The following ZNF433 variants were observed in gnomAD, a reference collection of about 807,000 sequenced individuals.
The protein encoded by ZNF433 is zinc finger protein 433.
ZNF433 carries 12 observed loss-of-function variants against 10.6 expected under a neutral mutation model. The observed-to-expected ratio is 1.13, with a 90% CI of 0.72 to 1.83. The LOEUF is 1.83. ZNF433 is among the 40% of genes most tolerant of loss of function. The probability of loss-of-function intolerance (pLI) is 0.00; values close to 1 mark genes in which losing one functional copy is unlikely to be tolerated. For missense variants in ZNF433, 737 were observed against 798.0 expected (o/e 0.92, Z 0.92); for synonymous variants, 272 against 271.3 (o/e 1.00, Z -0.02).
chr19:12,022,976 G>C (rs1243009597), intron 1 of ZNF433, among the ~76,000 whole-genome samples: 1 of 152,202 alleles, frequency 6.6e-6, no homozygotes, highest in African/African-American at 2.4e-5. Flanking sequence ...CTACAAGAGA[G>C]GGTGATATAG....
intron 1 of ZNF433, among the ~76,000 whole-genome samples, chr19:12,031,395 T>C (rs1199153494): frequency 3.3e-5 from 5 of 149,810 alleles, no homozygotes; most frequent in South Asian, 2.1e-4. Flanking sequence ...ACACCTGTAA[T>C]CCCAGCACTT....
At chr19:12,025,726 C>T (rs956437134) in intron 1 of ZNF433, 1 of 152,214 alleles carries the variant, frequency 6.6e-6, no homozygotes, top group Non-Finnish European at 1.5e-5. Flanking sequence ...ACATGCCAAA[C>T]AGGAGAGTCT....
intron 1 of ZNF433, among the ~76,000 whole-genome samples, chr19:12,022,936 T>C (rs1056892257): frequency 2.0e-5 from 3 of 152,180 alleles, no homozygotes; most frequent in Non-Finnish European, 4.4e-5. Context: ...GCAATGGCTC[T>C]CAGTTCTATT....
chr19:12,030,109 G>T, intron 1 of ZNF433: 1 of 334,416 alleles, frequency 3.0e-6, no homozygotes, highest in Non-Finnish European at 5.6e-6. Context: ...AAAAAAAATA[G>T]CCATCTGCAA....
chr19:12,020,558 G>A (rs747336552), intron 1 of ZNF433, among the ~76,000 whole-genome samples: 13 of 152,196 alleles, frequency 8.5e-5, no homozygotes, highest in Non-Finnish European at 1.3e-4. Flanking sequence ...ACGTCCTTTC[G>A]AGAGAGGAGT....
rs963384527 is a variant in ZNF433, at chr19:12,016,081, T to C, written c.777A>G (p.Ala259=). The C allele has an allele frequency of 1.8e-5, 29 of 1,613,512 alleles. No individual in the cohort carries two copies. Among genetic ancestry groups the C allele is most frequent in the Non-Finnish European group, 2.5e-5 (29 of 1,179,860 alleles). ...KPYKCNECGK[A]FHSSTCLHAH... ...CATGAAGGCATGTGGAACTATGGAA[T>C]GCTTTCCCACATTCATTACATTTAT... Residue 259 remains alanine, a synonymous_variant, in exon 4 of 4, where the codon GCA becomes GCG. Transcript: ENST00000550507.
chr19:12,017,928 AT>A lies in ZNF433; in HGVS notation c.138del (p.Lys46AsnfsTer9). On this transcript the variant is annotated frameshift_variant, in exon 3 of 4. Transcript: ENST00000550507. LOFTEE classifies it high-confidence loss of function. ...TFRNLASIGK[K>X]WKPQNIYVEY... ...TCTACATATATGTTCTGGGGTTTCC[AT>A]TTTTTCCCTACAACACACAACAAGG... 1 of 1,581,186 alleles carries A rather than the reference AT, an allele frequency of 6.3e-7. No homozygotes were observed. Among genetic ancestry groups the A allele is most frequent in the South Asian group, 1.2e-5 (1 of 84,032 alleles).
chr19:12,034,338 G>A (rs980321678), intron 1 of ZNF433, among the ~76,000 whole-genome samples: 3 of 152,138 alleles, frequency 2.0e-5, no homozygotes, highest in African/African-American at 7.2e-5. Context: ...TTAAAGTAAT[G>A]TGACTCTGGA....
intron 1 of ZNF433, among the ~76,000 whole-genome samples, chr19:12,031,121 C>T (rs922169559): frequency 6.6e-6 from 1 of 151,872 alleles, no homozygotes; most frequent in Non-Finnish European, 1.5e-5. Flanking sequence ...CACGGTGAAA[C>T]CCCGTCTCTA....
Position 12,015,746 on chromosome 19 carries a change from G to A in ZNF433, c.1112C>T (p.Ala371Val), listed in dbSNP as rs1974146197. 2 of 1,613,516 alleles carry A rather than the reference G, an allele frequency of 1.2e-6. No individual in the cohort carries two copies. The highest frequency in any genetic ancestry group is 1.3e-5 in the African/African-American group (1 of 74,960). ...TTGAAGTGAACTGGGAGAATAAAAG[G>A]CTTTCCCACATATCTTACATTTATG... ...ISHKCKICGK[A>V]FYSPSSLQTH... The change falls in exon 4 of 4, where the codon GCC (alanine) becomes GTC (valine). Residue 371 changes from alanine (A) to valine (V), a missense_variant. By Grantham distance (64) the Ala-to-Val change is moderately conservative (BLOSUM62 0). Coordinates refer to ENST00000550507, the MANE Select transcript of ZNF433 (RefSeq NM_001308348.2).
At chr19:12,034,931 T>G in intron 1 of ZNF433, 2 of 454,126 alleles carry the variant, frequency 4.4e-6, no homozygotes, top group South Asian at 3.1e-5. Flanking sequence ...TCAGGCCTCC[T>G]GGGGTTGTGT....
chr19:12,015,715 ATG>A lies in ZNF433; in HGVS notation c.1141_1142del (p.His381Ter). 1.9e-6 allele frequency: 3 copies of A among 1,613,366 alleles called. No individual in the cohort carries two copies. Among genetic ancestry groups the A allele is most frequent in the Non-Finnish European group, 2.5e-6 (3 of 1,179,796 alleles). ...AFYSPSSLQT[H>X]EKTHTGEKPY... is the part of the protein sequence containing the mutation. ...GTTTCTCTCCAGTGTGAGTTTTTTCATGTGTTTGAAGTGAACTGGGAGAATAA... is the reference window on the plus strand; with the variant it reads ...GTTTCTCTCCAGTGTGAGTTTTTTCATGTTTGAAGTGAACTGGGAGAATAA... On this transcript the variant is annotated frameshift_variant, in exon 4 of 4. Coordinates refer to ENST00000550507, the MANE Select transcript of ZNF433 (RefSeq NM_001308348.2). LOFTEE classifies it low-confidence loss of function (END_TRUNC).
Position 12,015,493 on chromosome 19 carries a change from T to C in ZNF433, c.1365A>G (p.Pro455=), listed in dbSNP as rs540351314. The change falls in exon 4 of 4, where the codon CCA becomes CCG. Residue 455 remains proline, a synonymous_variant. Coordinates refer to ENST00000550507, the MANE Select transcript of ZNF433 (RefSeq NM_001308348.2). ...TTTGAAAGAAAGAGAAATTACTAAA[T>C]GGTTTTCCACATTCCTTACATGCAT... ...KPYACKECGK[P]FSNFSFFQIH... 78 of 1,613,228 alleles carry C rather than the reference T, an allele frequency of 4.8e-5. No homozygotes were observed. The South Asian group carries it at 8.5e-4, about 17-fold the overall frequency.
intron 1 of ZNF433, chr19:12,025,267 A>G (rs1599366708): frequency 6.6e-6 from 1 of 152,218 alleles, no homozygotes; most frequent in East Asian, 1.9e-4. Flanking sequence ...TTAGCTGAAA[A>G]TGCTCAGTTG....
At chr19:12,030,373 A>C (rs1432235356) in intron 1 of ZNF433, among the ~76,000 whole-genome samples, 1 of 152,014 alleles carries the variant, frequency 6.6e-6, no homozygotes, top group Non-Finnish European at 1.5e-5. Context: ...GGTGCGCATC[A>C]CCAAGCCCAG....
chr19:12,017,138 C>T (rs1047814076), intron 3 of ZNF433, among the ~76,000 whole-genome samples: 3 of 152,078 alleles, frequency 2.0e-5, no homozygotes. Context: ...ACAAGATGGC[C>T]CAGCCATATC....
In ZNF433 at chr19:12,030,908, TC is replaced by T. The variant is rs1181528637; in HGVS notation, c.3+4628del. ...CTGAGCAACATGGTGAAACCCCGTC[TC>T]TATGAAAAATACAAAAATTAGCTGG... On this transcript the variant is annotated intron_variant, in intron 1 of 3. Coordinates refer to ENST00000550507, the MANE Select transcript of ZNF433 (RefSeq NM_001308348.2). Among the ~76,000 whole-genome samples the T allele has an allele frequency of 2.0e-5, 3 of 152,084 alleles. No homozygotes were observed. In the East Asian group the frequency reaches 5.8e-4, roughly 29 times the overall value.
chr19:12,016,057 A>G lies in ZNF433; in HGVS notation c.801T>C (p.His267=), dbSNP rs1051870107. ...CCCCAGTGTGAGTTCTTTTATGAGC[A>G]TGAAGGCATGTGGAACTATGGAATG... ...GKAFHSSTCL[H]AHKRTHTGEK... The change falls in exon 4 of 4, where the codon CAT becomes CAC. Residue 267 remains histidine (H), a synonymous_variant. Coordinates refer to ENST00000550507, the MANE Select transcript of ZNF433 (RefSeq NM_001308348.2). 3 of 1,613,564 alleles carry G rather than the reference A, an allele frequency of 1.9e-6. No homozygotes were observed. The highest frequency in any genetic ancestry group is 2.7e-5 in the African/African-American group (2 of 74,850).
intron 1 of ZNF433, among the ~76,000 whole-genome samples, chr19:12,030,478 C>A (rs1032042103): frequency 1.3e-5 from 2 of 152,218 alleles, no homozygotes; most frequent in African/African-American, 4.8e-5. Flanking sequence ...CCTCAGCCTC[C>A]CAAAGTGCTG....
Sources: allele counts gnomAD v4.1 joint callset (sites outside exome capture counted in the v4.1 genomes callset), GRCh38; gene constraint gnomAD v4.1.1; transcripts MANE v1.5; gene names NCBI Gene and HGNC (gene_info 2026-07-23, HGNC 2026-07-21).